Variants in CRTAP observed in about 807,000 individuals in gnomAD.
The protein encoded by CRTAP is cartilage associated protein, also known as cartilage-associated protein.
A neutral mutation model predicts 42.7 loss-of-function variants in CRTAP; 33 were observed. The observed-to-expected ratio is 0.77, with a 90% confidence interval of 0.59 to 1.03. The LOEUF (loss-of-function observed/expected upper bound fraction) is 1.03. CRTAP is among the 50% of genes least tolerant of loss of function. The pLI is 0.00. For missense variants in CRTAP, 613 were observed against 533.9 expected, an observed-to-expected ratio of 1.15 and a Z score of -1.46; for synonymous variants, 243 against 217.7, an observed-to-expected ratio of 1.12 and a Z score of -1.02.
intron 1 of CRTAP, among the ~76,000 whole-genome samples, chr3:33,115,935 G>C (rs1281485348): frequency 2.0e-5 from 3 of 152,124 alleles, no homozygotes; most frequent in South Asian, 2.1e-4. Context: ...AAAAAAAACA[G>C]TTTTAAAACA....
In CRTAP at chr3:33,144,410, CAG is replaced by C. The variant is rs2030667121; in HGVS notation, c.*1963_*1964del. ...GTCAGGTCTGCAGCAGAGCTCGAGA[CAG>C]GGATCTGAATGCACTTGGTTTATTG... On this transcript the variant is annotated 3_prime_UTR_variant, in exon 7 of 7. Transcript: ENST00000320954. The C allele has an allele frequency of 6.6e-6, 1 of 152,212 alleles. No homozygotes were observed. 9.4% of individuals were successfully genotyped at this position (152,212 alleles called of 1,614,324 possible).
chr3:33,114,275 C>T lies in CRTAP; in HGVS notation c.198C>T (p.Tyr66=), dbSNP rs137853939. 1 of 1,580,820 alleles carries T rather than the reference C, an allele frequency of 6.3e-7. No homozygotes were observed. The highest frequency in any genetic ancestry group is 1.1e-5 in the South Asian group (1 of 87,632). ...SGEHWAESVG[Y]LEISLRLHRL... ...AGCACTGGGCCGAGAGCGTGGGCTA[C>T]CTGGAGATCAGCCTGCGGCTGCACC... Residue 66 remains tyrosine, a synonymous_variant, in exon 1 of 7, where the codon TAC becomes TAT. Coordinates refer to ENST00000320954, the MANE Select transcript of CRTAP (RefSeq NM_006371.5).
intron 6 of CRTAP, among the ~76,000 whole-genome samples, chr3:33,138,637 A>C (rs751772359): frequency 5.3e-5 from 8 of 152,156 alleles, no homozygotes; most frequent in African/African-American, 9.7e-5. Flanking sequence ...CTTATTTATT[A>C]GTTTGTATGT....
At chr3:33,128,804 A>AT (rs1216658784) in intron 3 of CRTAP, among the ~76,000 whole-genome samples, 7 of 152,180 alleles carry the variant, frequency 4.6e-5, no homozygotes, top group Non-Finnish European at 8.8e-5. Flanking sequence ...ACCCTTCTGG[A>AT]GTCTTTTGCT....
chr3:33,121,291 A>G (rs1450847340), intron 2 of CRTAP, among the ~76,000 whole-genome samples: 1 of 152,170 alleles, frequency 6.6e-6, no homozygotes, highest in Admixed American at 6.5e-5. Context: ...GCATGTCTGT[A>G]AACCCAGCTA....
intron 6 of CRTAP, among the ~76,000 whole-genome samples, chr3:33,136,769 T>A (rs550088029): frequency 1.1e-4 from 16 of 152,144 alleles, no homozygotes; most frequent in Non-Finnish European, 1.9e-4. Flanking sequence ...AGAACTCACT[T>A]ATTATCATGA....
intron 3 of CRTAP, among the ~76,000 whole-genome samples, chr3:33,127,706 C>T (rs1303452202): frequency 5.3e-5 from 8 of 151,778 alleles, no homozygotes; most frequent in Admixed American, 5.3e-4. Flanking sequence ...CCTCGGCCTC[C>T]CAAAGTGCTA....
At chr3:33,127,703 C>T (rs2030119022) in intron 3 of CRTAP, among the ~76,000 whole-genome samples, 2 of 151,940 alleles carry the variant, frequency 1.3e-5, no homozygotes, top group African/African-American at 4.8e-5. Context: ...CCACCTCGGC[C>T]TCCCAAAGTG....
At chr3:33,120,749 G>T (rs1462858431) in intron 2 of CRTAP, among the ~76,000 whole-genome samples, 2 of 152,100 alleles carry the variant, frequency 1.3e-5, no homozygotes, top group Non-Finnish European at 2.9e-5. Flanking sequence ...TAATTATTTA[G>T]TTTTAAGAGG....
At chr3:33,126,451 C>T (rs748467807) in intron 3 of CRTAP, among the ~76,000 whole-genome samples, 5 of 152,082 alleles carry the variant, frequency 3.3e-5, no homozygotes, top group Non-Finnish European at 5.9e-5. Context: ...TCTTGTAAAT[C>T]GGTAATTGGA....
chr3:33,125,491 G>GTTTTTTTTTTTTT (rs60498778), intron 3 of CRTAP, among the ~76,000 whole-genome samples: 1 of 30,128 alleles, frequency 3.3e-5, no homozygotes. Flanking sequence ...TACAAAGTAG[G>GTTTTTTTTTTTTT]TTTTTTTTTT....
intron 6 of CRTAP, among the ~76,000 whole-genome samples, chr3:33,138,099 C>T (rs759489548): frequency 6.8e-6 from 1 of 147,532 alleles, no homozygotes; most frequent in Non-Finnish European, 1.5e-5. Flanking sequence ...ATTAATATAG[C>T]TTTTTTTTTT....
At chr3:33,131,271 G>C (rs1220066181) in intron 4 of CRTAP, among the ~76,000 whole-genome samples, 1 of 151,348 alleles carries the variant, frequency 6.6e-6, no homozygotes. Context: ...TTTGCGGGGG[G>C]GGGTTCCTCT....
At chr3:33,134,526 ATTC>A (rs1327392068) in intron 6 of CRTAP, among the ~76,000 whole-genome samples, 1 of 152,228 alleles carries the variant, frequency 6.6e-6, no homozygotes, top group African/African-American at 2.4e-5. Flanking sequence ...CACAGTGGTC[ATTC>A]TTCATCTTTT....
intron 4 of CRTAP, among the ~76,000 whole-genome samples, chr3:33,132,058 C>T (rs1244657921): frequency 1.3e-5 from 2 of 151,916 alleles, no homozygotes; most frequent in African/African-American, 2.4e-5. Context: ...CAAAACTAGG[C>T]GACTTTCCAA....
chr3:33,140,560 A>C (rs7623768), intron 6 of CRTAP, among the ~76,000 whole-genome samples: 24,035 of 152,174 alleles, frequency 0.16, 2,030 homozygotes, highest in East Asian at 0.28. Flanking sequence ...TTAGCTGCTG[A>C]TATGTGTGGC....
At chr3:33,132,504 A>T (rs2030294826) in intron 4 of CRTAP, 51 bp from the exon 5 acceptor site, 1 of 1,611,112 alleles carries the variant, frequency 6.2e-7, no homozygotes, top group African/African-American at 1.3e-5. Context: ...CAGAGAAATT[A>T]TAGGGTGTGG....
chr3:33,145,680 A>G lies in CRTAP; in HGVS notation c.*3232A>G, dbSNP rs1177801748. 6.6e-6 allele frequency: 1 copy of G among 152,244 alleles called. No individual in the cohort carries two copies. Among genetic ancestry groups the G allele is most frequent in the Non-Finnish European group, 1.5e-5 (1 of 68,146 alleles). 9.4% of individuals were successfully genotyped at this position (152,244 alleles called of 1,614,324 possible). On this transcript the variant is annotated 3_prime_UTR_variant, in exon 7 of 7. Coordinates refer to ENST00000320954, the MANE Select transcript of CRTAP (RefSeq NM_006371.5). The surrounding 1 kb of genome is among the most constrained non-coding windows in gnomAD (Gnocchi z 4.3). ...AGTGTCCTTCCCAGCTGTGTGAGAA[A>G]ATGAAAGCCGACGTCCACAGGGACC...
intron 2 of CRTAP, among the ~76,000 whole-genome samples, chr3:33,121,468 C>T (rs1186381522): frequency 6.6e-6 from 1 of 151,112 alleles, no homozygotes; most frequent in Non-Finnish European, 1.5e-5. Context: ...AGTTATAGTT[C>T]CCAAGGCCTG....
Sources: allele counts gnomAD v4.1 joint callset (sites outside exome capture counted in the v4.1 genomes callset), GRCh38; gene constraint gnomAD v4.1.1; non-coding constraint Gnocchi (gnomAD v3.1); transcripts MANE v1.5; gene names NCBI Gene and HGNC (gene_info 2026-07-23, HGNC 2026-07-21).